Variants in NCKAP1 observed in about 807,000 individuals in gnomAD.
The protein encoded by NCKAP1 is nck-associated protein 1.
Under a neutral mutation model 151.2 loss-of-function variants are expected in NCKAP1, and 21 were observed. The observed-to-expected ratio is 0.14, with a 90% CI of 0.10 to 0.20. The LOEUF is 0.20. Ranked by LOEUF, NCKAP1 falls within the 10% of genes least tolerant of loss-of-function variation. NCKAP1 has a pLI of 1.00. For missense variants in NCKAP1, 933 were observed against 1,352.1 expected, an observed-to-expected ratio of 0.69 and a Z score of 4.86; for synonymous variants, 484 against 451.8, an observed-to-expected ratio of 1.07 and a Z score of -0.90.
intron 23 of NCKAP1, 120 bp from the exon 24 acceptor site, chr2:182,942,283 C>A: frequency 1.6e-6 from 1 of 643,580 alleles, no homozygotes. Context: ...TCCAGACGCT[C>A]TATGCTACAT....
At chr2:183,029,442 A>G (rs1312777345) in intron 1 of NCKAP1, among the ~76,000 whole-genome samples, 2 of 152,010 alleles carry the variant, frequency 1.3e-5, no homozygotes. Flanking sequence ...CTATTTTTCC[A>G]AGAACTTACC....
intron 1 of NCKAP1, among the ~76,000 whole-genome samples, chr2:183,032,803 T>G (rs72888485): frequency 0.09 from 13,749 of 152,170 alleles, 752 homozygotes; most frequent in Non-Finnish European, 0.12. Context: ...TCCCAGTACT[T>G]TGGCAGGCTG....
rs986578033 is a variant in NCKAP1, at chr2:182,914,885, C to T, written c.*10817G>A. On this transcript the variant is annotated 3_prime_UTR_variant, in exon 31 of 31. Transcript: ENST00000361354. Reference sequence around the variant, plus strand: ...GGGATGCTTTGGGTGCTCAGAGGAGCATTGACTACCTTTTCCATCCCTTCC... The same window carrying T: ...GGGATGCTTTGGGTGCTCAGAGGAGTATTGACTACCTTTTCCATCCCTTCC... The T allele has an allele frequency of 6.6e-6, 1 of 152,176 alleles. No individual in the cohort carries two copies. The highest frequency in any genetic ancestry group is 1.9e-4 in the East Asian group (1 of 5,190). The allele number at this position is 152,176 out of a possible 1,614,324, so 9.4% of individuals were successfully genotyped here.
At chr2:182,978,236 T>C (rs762893761) in intron 14 of NCKAP1, among the ~76,000 whole-genome samples, 10 of 152,226 alleles carry the variant, frequency 6.6e-5, no homozygotes, top group Non-Finnish European at 1.3e-4. Flanking sequence ...ATATCCTTTA[T>C]TAAAAGACTA....
At chr2:182,953,371 T>C in intron 20 of NCKAP1, 40 bp from the exon 21 acceptor site, 1 of 1,434,812 alleles carries the variant, frequency 7.0e-7, no homozygotes, top group South Asian at 1.3e-5. Flanking sequence ...AGCCTCTGAC[T>C]TTTCCATTCA....
At chr2:183,003,720 T>C (rs1246192339) in intron 2 of NCKAP1, among the ~76,000 whole-genome samples, 1 of 152,092 alleles carries the variant, frequency 6.6e-6, no homozygotes, top group Non-Finnish European at 1.5e-5. Flanking sequence ...GCTATATAAA[T>C]TTGGAACTTA....
In NCKAP1 at chr2:182,916,975, T is replaced by C. The variant is rs928013857; in HGVS notation, c.*8727A>G. ...GGAAGTTCTGATATTATAATACTCA[T>C]AAAAGCCATGAAAAAACTCTTTGAA... On this transcript the variant is annotated 3_prime_UTR_variant, in exon 31 of 31. Transcript: ENST00000361354. 10 of 152,122 alleles carry C rather than the reference T, an allele frequency of 6.6e-5. No homozygotes were observed. Among genetic ancestry groups the C allele is most frequent in the African/African-American group, 2.2e-4 (9 of 41,438 alleles). The allele number at this position is 152,122 out of a possible 1,614,324, so 9.4% of individuals were successfully genotyped here.
At chr2:182,954,730 G>T (rs1210123435) in intron 20 of NCKAP1, among the ~76,000 whole-genome samples, 1 of 152,084 alleles carries the variant, frequency 6.6e-6, no homozygotes, top group Non-Finnish European at 1.5e-5. Flanking sequence ...AGGTTGCAGT[G>T]AGCTGAGATT....
Position 183,003,914 on chromosome 2 carries a change from G to A in NCKAP1, c.220-589C>T, listed in dbSNP as rs373473468. Among the ~76,000 whole-genome samples, 3 of 4,042 alleles carry A rather than the reference G, an allele frequency of 7.4e-4. No homozygotes were observed. The Non-Finnish European group carries it at 0.02, about 27-fold the overall frequency. 2.7% of individuals were successfully genotyped at this position (4,042 alleles called of 152,430 possible). ...GCAAAACTAGAGTTAAGACATGAAA[G>A]AGGGAAATGTTGAAAGACAAATAGT... On this transcript the variant is annotated intron_variant, in intron 2 of 30. Transcript: ENST00000361354.
intron 2 of NCKAP1, among the ~76,000 whole-genome samples, chr2:183,006,116 C>G (rs1227786069): frequency 1.3e-5 from 2 of 152,196 alleles, no homozygotes; most frequent in Non-Finnish European, 2.9e-5. Context: ...ATGCAAACAT[C>G]TATCAGATAA....
At chr2:182,983,473 A>T in intron 10 of NCKAP1, 91 bp from the exon 11 acceptor site, 1 of 895,334 alleles carries the variant, frequency 1.1e-6, no homozygotes, top group Non-Finnish European at 1.7e-6. Flanking sequence ...GCAACTTCCA[A>T]AGTCTTTTTT....
chr2:182,924,110 T>C lies in NCKAP1; in HGVS notation c.*1592A>G, dbSNP rs1186522857. ...AAATCAGACTATTTCAGGTCTGAAC[T>C]ATGCCATTTTAAAATTTCCCTTTTT... On this transcript the variant is annotated 3_prime_UTR_variant, in exon 31 of 31. Coordinates refer to ENST00000361354, the MANE Select transcript of NCKAP1 (RefSeq NM_013436.5). 1.3e-5 allele frequency: 2 copies of C among 152,252 alleles called. No individual in the cohort carries two copies. The highest frequency in any genetic ancestry group is 4.8e-5 in the African/African-American group (2 of 41,480). The allele number at this position is 152,252 out of a possible 1,614,324, so 9.4% of individuals were successfully genotyped here.
At chr2:182,973,930 CTT>C (rs1271656683) in intron 15 of NCKAP1, among the ~76,000 whole-genome samples, 1 of 152,138 alleles carries the variant, frequency 6.6e-6, no homozygotes, top group Non-Finnish European at 1.5e-5. Flanking sequence ...TATGACATCT[CTT>C]AATCTTTCAG....
chr2:183,017,105 T>A (rs564265757), intron 2 of NCKAP1, among the ~76,000 whole-genome samples: 5 of 152,086 alleles, frequency 3.3e-5, no homozygotes, highest in Non-Finnish European at 7.4e-5. Context: ...CTGTTTAGCT[T>A]GTGGAGCTGT....
Position 182,921,430 on chromosome 2 carries a change from A to G in NCKAP1, c.*4272T>C, listed in dbSNP as rs1696548624. 6.6e-6 allele frequency: 1 copy of G among 152,346 alleles called. No individual in the cohort carries two copies. The highest frequency in any genetic ancestry group is 1.9e-4 in the East Asian group (1 of 5,182). 9.4% of individuals were successfully genotyped at this position (152,346 alleles called of 1,614,324 possible). Reference sequence around the variant, plus strand: ...GAATGTGACTCAGCCATATACTACAACTGAGACAAGGCAATCACCAAGGTC... The same window carrying G: ...GAATGTGACTCAGCCATATACTACAGCTGAGACAAGGCAATCACCAAGGTC... On this transcript the variant is annotated 3_prime_UTR_variant, in exon 31 of 31. Coordinates refer to ENST00000361354, the MANE Select transcript of NCKAP1 (RefSeq NM_013436.5).
At chr2:183,013,247 G>T (rs1322783597) in intron 2 of NCKAP1, among the ~76,000 whole-genome samples, 2 of 151,790 alleles carry the variant, frequency 1.3e-5, no homozygotes, top group African/African-American at 4.8e-5. Context: ...TAAACAATTG[G>T]CTATTTGATA....
intron 13 of NCKAP1, among the ~76,000 whole-genome samples, chr2:182,980,295 T>A (rs1453095944): frequency 6.6e-6 from 1 of 151,966 alleles, no homozygotes; most frequent in East Asian, 1.9e-4. Context: ...TAACAGCATG[T>A]AACTCAAGGT....
intron 23 of NCKAP1, among the ~76,000 whole-genome samples, chr2:182,945,287 C>A (rs1355998119): frequency 2.0e-5 from 3 of 151,486 alleles, no homozygotes; most frequent in African/African-American, 7.3e-5. Flanking sequence ...CAGTGGTACA[C>A]GCCTATATTT....
Position 182,964,727 on chromosome 2 carries a change from T to G in NCKAP1, c.1710A>C (p.Pro570=). The change falls in exon 17 of 31, where the codon CCA becomes CCC. Residue 570 remains proline, a synonymous_variant. Coordinates refer to ENST00000361354, the MANE Select transcript of NCKAP1 (RefSeq NM_013436.5). ...PSQSRYSIAF[P]LLCTHFMSCT... is the part of the protein sequence containing the mutation. ...AACTCATAAAATGAGTGCAAAGTAGTGGAAATGCAATTGAGTATCTTGATT... is the reference window on the plus strand; with the variant it reads ...AACTCATAAAATGAGTGCAAAGTAGGGGAAATGCAATTGAGTATCTTGATT... The G allele has an allele frequency of 1.2e-6, 2 of 1,611,012 alleles. No individual in the cohort carries two copies. Among genetic ancestry groups the G allele is most frequent in the East Asian group, 2.2e-5 (1 of 44,608 alleles).
Sources: gnomAD v4.1 joint callset for allele counts (sites outside exome capture counted in the v4.1 genomes callset) on GRCh38, gnomAD v4.1.1 for gene constraint, MANE v1.5 for transcripts, NCBI Gene and HGNC (gene_info 2026-07-23, HGNC 2026-07-21) for gene names.